The following IDH3A variants were observed in gnomAD, a reference collection of about 807,000 sequenced individuals.
IDH3A encodes the protein isocitrate dehydrogenase (NAD(+)) 3 catalytic subunit alpha, also known as isocitrate dehydrogenase [NAD] subunit alpha, mitochondrial.
A neutral mutation model predicts 43.3 loss-of-function variants in IDH3A; 23 were observed. That is an observed-to-expected ratio of 0.53 (90% confidence interval 0.38 to 0.75). The LOEUF (loss-of-function observed/expected upper bound fraction) is 0.75. Among genes scored for constraint, IDH3A ranks in the 30% least tolerant of loss-of-function variants. The pLI, the probability that IDH3A is intolerant of heterozygous loss-of-function variation, is 0.00. For missense variants in IDH3A, 329 were observed against 474.4 expected (o/e 0.69, Z 2.85); for synonymous variants, 154 against 163.5 (o/e 0.94, Z 0.44).
chr15:78,155,109 C>A, intron 1 of IDH3A, 104 bp from the exon 2 acceptor site: 2 of 737,058 alleles, frequency 2.7e-6, no homozygotes, highest in South Asian at 1.7e-5. Flanking sequence ...CTGAATATAT[C>A]TGTGCCAAGT....
chr15:78,149,908 C>T (rs2074559806), intron 1 of IDH3A, among the ~76,000 whole-genome samples: 1 of 152,256 alleles, frequency 6.6e-6, no homozygotes, highest in African/African-American at 2.4e-5. Context: ...GCAGGTGCCA[C>T]GGGCACTGGC....
intron 1 of IDH3A, chr15:78,154,750 AAAC>A (rs141348291): frequency 0.063 from 9,679 of 153,100 alleles, 355 homozygotes; most frequent in South Asian, 0.19. Context: ...AAAAAGCCTA[AAAC>A]AACAACAAGA....
intron 6 of IDH3A, among the ~76,000 whole-genome samples, 176 bp downstream of exon 6, chr15:78,162,543 CTGTT>C (rs1250933340): frequency 7.2e-6 from 1 of 138,674 alleles, no homozygotes; most frequent in African/African-American, 2.8e-5. Flanking sequence ...CTTTTCTCCT[CTGTT>C]TTTTTTTTTT....
chr15:78,157,831 T>C (rs573172530), intron 3 of IDH3A, among the ~76,000 whole-genome samples, 200 bp downstream of exon 3: 2 of 152,008 alleles, frequency 1.3e-5, no homozygotes, highest in East Asian at 1.9e-4. Flanking sequence ...TTTCTTTTTT[T>C]TTTTTTTTTA....
intron 1 of IDH3A, 67 bp from the exon 2 acceptor site, chr15:78,155,146 C>A: frequency 8.5e-7 from 1 of 1,169,858 alleles, no homozygotes; most frequent in South Asian, 1.3e-5. Flanking sequence ...ATCAGGACTT[C>A]CTCGCTCTTG....
chr15:78,167,710 T>G (rs185925860), intron 10 of IDH3A: 9 of 152,362 alleles, frequency 5.9e-5, no homozygotes, highest in African/African-American at 1.9e-4. Context: ...GCTTCCTGTC[T>G]CTATGAATTT....
In IDH3A at chr15:78,162,492, C is replaced by T. The variant is rs570515580; in HGVS notation, c.611+125C>T. 1.2e-5 allele frequency: 12 copies of T among 961,512 alleles called. No homozygotes were observed. The Middle Eastern group carries it at 1.4e-3, about 109-fold the overall frequency. 59.6% of individuals were successfully genotyped at this position (961,512 alleles called of 1,614,324 possible). ...ATATCTTTGAAAAAGAACTTTGTAA[C>T]AATCCAAAGATACGGCATCTCTCTT... On this transcript the variant is annotated intron_variant, in intron 6 of 10. Transcript: ENST00000299518.
intron 10 of IDH3A, chr15:78,167,796 A>G (rs2074764170): frequency 6.6e-6 from 1 of 152,234 alleles, no homozygotes; most frequent in Admixed American, 6.5e-5. Context: ...CACTTAGCGT[A>G]ATATCTTCAA....
rs2074765664 is a variant in IDH3A, at chr15:78,167,908, T to C, written c.1018-1014T>C. On this transcript the variant is annotated intron_variant, in intron 10 of 10. Coordinates refer to ENST00000299518, the MANE Select transcript of IDH3A (RefSeq NM_005530.3). ...GTTTTTAACAGCCTGATAGTCACAT[T>C]GGAGGTCATATGATTTTCTTATTCT... is the stretch of plus-strand genomic sequence containing the variant. The C allele has an allele frequency of 2.0e-5, 3 of 152,236 alleles. No individual in the cohort carries two copies. In the South Asian group the frequency reaches 6.2e-4, roughly 31 times the overall value. The allele number at this position is 152,236 out of a possible 1,614,324, so 9.4% of individuals were successfully genotyped here. A position where few individuals can be genotyped will look rare whatever the true frequency, so the allele number is the denominator to read the frequency against.
At chr15:78,157,475 G>A in intron 2 of IDH3A, 73 bp from the exon 3 acceptor site, 1 of 1,045,590 alleles carries the variant, frequency 9.6e-7, no homozygotes, top group Non-Finnish European at 1.4e-6. Flanking sequence ...GGATTTCTCT[G>A]TCAAAATATT....
intron 2 of IDH3A, among the ~76,000 whole-genome samples, chr15:78,156,584 ACAT>A (rs1166513278): frequency 2.6e-5 from 4 of 152,248 alleles, no homozygotes; most frequent in African/African-American, 4.8e-5. Context: ...ATCTGGGCAG[ACAT>A]CATTGGAAGG....
chr15:78,157,707 T>C, intron 3 of IDH3A, 76 bp downstream of exon 3: 1 of 917,450 alleles, frequency 1.1e-6, no homozygotes, highest in Non-Finnish European at 1.8e-6. Flanking sequence ...CTGTGAACTT[T>C]TAGGATGCAT....
chr15:78,162,119 G>C, intron 5 of IDH3A, 115 bp from the exon 6 acceptor site: 1 of 1,039,680 alleles, frequency 9.6e-7, no homozygotes, highest in Non-Finnish European at 1.5e-6. Context: ...GATTAGTCAT[G>C]CTAGCTGGCA....
intron 10 of IDH3A, chr15:78,166,540 G>T (rs1019424182): frequency 3.9e-6 from 2 of 512,112 alleles, no homozygotes; most frequent in African/African-American, 3.9e-5. Flanking sequence ...CTGATGTATA[G>T]ACATCAGTGT....
chr15:78,155,230 G>C lies in IDH3A; in HGVS notation c.45G>C (p.Gly15=), dbSNP rs759830050. Residue 15 remains glycine, a synonymous_variant, in exon 2 of 11, where the codon GGG becomes GGC. Coordinates refer to ENST00000299518, the MANE Select transcript of IDH3A (RefSeq NM_005530.3). ...TAATATAGGTCTCTCGGCTGCTGGG[G>C]GCATTCCACAACCCAAAACAGGTGA... ...AWISKVSRLL[G]AFHNPKQVTR... The C allele has an allele frequency of 2.5e-6, 4 of 1,612,448 alleles. No individual in the cohort carries two copies. The highest frequency in any genetic ancestry group is 3.4e-6 in the Non-Finnish European group (4 of 1,178,582).
intron 6 of IDH3A, 127 bp from the exon 7 acceptor site, chr15:78,163,380 T>C (rs2074703696): frequency 9.7e-6 from 6 of 619,788 alleles, no homozygotes; most frequent in African/African-American, 5.5e-5. Context: ...AATAATTTTA[T>C]TGTAATTGGG....
chr15:78,159,465 A>C (rs1320268610), intron 3 of IDH3A, among the ~76,000 whole-genome samples: 1 of 152,168 alleles, frequency 6.6e-6, no homozygotes, highest in Non-Finnish European at 1.5e-5. Context: ...TCATCCATGT[A>C]TCAGTACTAT....
chr15:78,153,399 T>C lies in IDH3A; in HGVS notation c.28-1814T>C, dbSNP rs141867161. Reference sequence around the variant, plus strand: ...TCAGGGAGAGGAGAAAGGACACATGTCAATTTTCTTGTCACAAAGTAGCCT... The same window carrying C: ...TCAGGGAGAGGAGAAAGGACACATGCCAATTTTCTTGTCACAAAGTAGCCT... On this transcript the variant is annotated intron_variant, in intron 1 of 10. Coordinates refer to ENST00000299518, the MANE Select transcript of IDH3A (RefSeq NM_005530.3). Among the ~76,000 whole-genome samples the C allele has an allele frequency of 2.2e-4, 33 of 152,360 alleles. No individual in the cohort carries two copies. The East Asian group carries it at 6.0e-3, about 28-fold the overall frequency.
At chr15:78,159,833 A>T in intron 3 of IDH3A, 1 of 352,388 alleles carries the variant, frequency 2.8e-6, no homozygotes, top group East Asian at 5.4e-5. Flanking sequence ...TCTACAAAAA[A>T]AATACAAAAA....
Sources: allele counts gnomAD v4.1 joint callset (sites outside exome capture counted in the v4.1 genomes callset), GRCh38; gene constraint gnomAD v4.1.1; transcripts MANE v1.5; gene names NCBI Gene and HGNC (gene_info 2026-07-23, HGNC 2026-07-21).